ALK: variants seen among roughly 807,000 people sequenced by gnomAD.
ALK encodes ALK receptor tyrosine kinase.
In ALK, 74 loss-of-function variants were observed where a neutral mutation model predicts 163.1. That is an observed-to-expected ratio of 0.45 (90% CI 0.38 to 0.55). The LOEUF (loss-of-function observed/expected upper bound fraction) is 0.55. ALK is among the 20% of genes least tolerant of loss of function. ALK has a pLI of 0.00. For synonymous variants in ALK, 960 were observed against 843.2 expected (o/e 1.14, Z -2.40); for missense variants, 2,063 against 2,105.3 (o/e 0.98, Z 0.39).
intron 3 of ALK, among the ~76,000 whole-genome samples, chr2:29,649,181 T>C (rs1676967726): frequency 6.6e-6 from 1 of 151,686 alleles, no homozygotes; most frequent in Non-Finnish European, 1.5e-5. Flanking sequence ...CTTTCTGAGG[T>C]TACAATGTGT....
chr2:29,300,012 G>A (rs1479145676), intron 8 of ALK, among the ~76,000 whole-genome samples: 1 of 152,206 alleles, frequency 6.6e-6, no homozygotes, highest in Non-Finnish European at 1.5e-5. Context: ...CTGGCTAGCT[G>A]CTCTGATGGC....
At chr2:29,779,359 T>C (rs1681272100) in intron 1 of ALK, among the ~76,000 whole-genome samples, 1 of 152,142 alleles carries the variant, frequency 6.6e-6, no homozygotes, top group Admixed American at 6.6e-5. Flanking sequence ...GGGCACAGGC[T>C]GGCTTCTCCA....
intron 1 of ALK, among the ~76,000 whole-genome samples, chr2:29,838,759 G>A (rs1665629037): frequency 6.6e-6 from 1 of 152,142 alleles, no homozygotes; most frequent in Admixed American, 6.5e-5. Context: ...GTTTGCCTCT[G>A]TAGAGGAGAT....
intron 1 of ALK, among the ~76,000 whole-genome samples, chr2:29,840,281 G>A (rs973494030): frequency 6.6e-6 from 1 of 152,044 alleles, no homozygotes; most frequent in African/African-American, 2.4e-5. Flanking sequence ...GTGGTATCTG[G>A]CAAATAGGTA....
intron 1 of ALK, among the ~76,000 whole-genome samples, chr2:29,761,319 C>G (rs983030557): frequency 7.9e-5 from 12 of 152,254 alleles, no homozygotes; most frequent in African/African-American, 2.9e-4. Context: ...GCCAGTTTTT[C>G]CTGCCACTCT....
intron 3 of ALK, among the ~76,000 whole-genome samples, chr2:29,680,118 G>A (rs1018939216): frequency 6.6e-6 from 1 of 151,666 alleles, no homozygotes; most frequent in Non-Finnish European, 1.5e-5. Flanking sequence ...TAAGATCTTT[G>A]GTGGCATTTA....
At chr2:29,375,054 T>A (rs890222396) in intron 5 of ALK, among the ~76,000 whole-genome samples, 1 of 152,180 alleles carries the variant, frequency 6.6e-6, no homozygotes, top group African/African-American at 2.4e-5. Context: ...ATTAGGTCAA[T>A]AATTAACATC....
chr2:29,196,183 C>G (rs1182075680), intron 28 of ALK, among the ~76,000 whole-genome samples: 2 of 152,146 alleles, frequency 1.3e-5, no homozygotes, highest in Non-Finnish European at 2.9e-5. Flanking sequence ...GCCTTAACTC[C>G]TCATCTATAA....
intron 1 of ALK, among the ~76,000 whole-genome samples, chr2:29,725,437 G>A (rs1679544359): frequency 6.6e-6 from 1 of 152,110 alleles, no homozygotes; most frequent in Admixed American, 6.6e-5. Context: ...TGTCTTCCCT[G>A]AGCTGGACAC....
intron 4 of ALK, among the ~76,000 whole-genome samples, chr2:29,527,915 T>G (rs184422433): frequency 1.3e-5 from 2 of 152,072 alleles, no homozygotes; most frequent in African/African-American, 4.8e-5. Flanking sequence ...GGGAGGAGGT[T>G]AGACTCCCGT....
At chr2:29,467,649 G>A (rs535770082) in intron 4 of ALK, among the ~76,000 whole-genome samples, 69 of 152,004 alleles carry the variant, frequency 4.5e-4, no homozygotes, top group Non-Finnish European at 7.8e-4. Context: ...AGTGTGGCTC[G>A]GGGGCCCTGA....
chr2:29,448,453 T>A (rs925397802), intron 4 of ALK, among the ~76,000 whole-genome samples: 4 of 152,142 alleles, frequency 2.6e-5, no homozygotes, highest in Non-Finnish European at 4.4e-5. Flanking sequence ...GTGTGTGCTC[T>A]CTCTCTACAC....
At chr2:29,351,010 C>A (rs1426123573) in intron 5 of ALK, among the ~76,000 whole-genome samples, 3 of 152,138 alleles carry the variant, frequency 2.0e-5, no homozygotes, top group African/African-American at 7.2e-5. Context: ...CTTGGAGATT[C>A]ATATTGTACA....
intron 3 of ALK, among the ~76,000 whole-genome samples, chr2:29,684,036 A>C (rs961702549): frequency 6.6e-6 from 1 of 152,230 alleles, no homozygotes; most frequent in Admixed American, 6.5e-5. Flanking sequence ...CACTCTAAGT[A>C]GAATAATTCT....
At chr2:29,620,969 T>C (rs533682998) in intron 3 of ALK, among the ~76,000 whole-genome samples, 3 of 152,324 alleles carry the variant, frequency 2.0e-5, no homozygotes, top group African/African-American at 7.2e-5. Flanking sequence ...AGCAGACTTA[T>C]CTGCCTCCAG....
chr2:29,249,355 T>G (rs1388733876), intron 12 of ALK, among the ~76,000 whole-genome samples: 1 of 152,204 alleles, frequency 6.6e-6, no homozygotes, highest in African/African-American at 2.4e-5. Context: ...TATTGCTTTT[T>G]GTATACGGGG....
chr2:29,895,210 C>T (rs545399545), intron 1 of ALK, among the ~76,000 whole-genome samples: 14 of 152,188 alleles, frequency 9.2e-5, no homozygotes, highest in Non-Finnish European at 1.6e-4. Context: ...TGATGTAAAA[C>T]CTTAATTAGC....
chr2:29,802,715 C>CA (rs1208855498), intron 1 of ALK, among the ~76,000 whole-genome samples: 1 of 151,626 alleles, frequency 6.6e-6, no homozygotes. Context: ...ATTTTTAGAT[C>CA]ACTGTTCTAT....
intron 1 of ALK, among the ~76,000 whole-genome samples, chr2:29,813,389 C>T (rs1304577688): frequency 6.6e-6 from 1 of 151,988 alleles, no homozygotes; most frequent in Non-Finnish European, 1.5e-5. Context: ...AATCTCTTAG[C>T]ACTAAGAATG....
Sources: allele counts gnomAD v4.1 joint callset (sites outside exome capture counted in the v4.1 genomes callset), GRCh38; gene constraint gnomAD v4.1.1; transcripts MANE v1.5; gene names NCBI Gene and HGNC (gene_info 2026-07-23, HGNC 2026-07-21).